The following SGCZ variants were observed in gnomAD, a reference collection of about 807,000 sequenced individuals.
The protein encoded by SGCZ is sarcoglycan zeta.
SGCZ carries 40 observed loss-of-function variants against 41.3 expected under a neutral mutation model. The observed-to-expected ratio is 0.97, with a 90% CI of 0.75 to 1.26. The LOEUF (loss-of-function observed/expected upper bound fraction) is 1.26. Ranked by LOEUF, SGCZ falls within the 50% of genes most tolerant of loss-of-function variation. The probability of loss-of-function intolerance (pLI) is 0.00; values close to 1 mark genes in which losing one functional copy is unlikely to be tolerated. For missense variants in SGCZ, 552 were observed against 369.8 expected, an observed-to-expected ratio of 1.49 and a Z score of -4.04; for synonymous variants, 206 against 137.5, an observed-to-expected ratio of 1.50 and a Z score of -3.49.
chr8:14,750,983 T>C (rs1337275084), intron 1 of SGCZ, among the ~76,000 whole-genome samples: 2 of 152,170 alleles, frequency 1.3e-5, no homozygotes, highest in African/African-American at 4.8e-5. Context: ...TGAAGCATTG[T>C]TATGAACCAA....
At chr8:15,043,938 T>A (rs1015930608) in intron 1 of SGCZ, among the ~76,000 whole-genome samples, 1 of 152,060 alleles carries the variant, frequency 6.6e-6, no homozygotes, top group Non-Finnish European at 1.5e-5. Flanking sequence ...GCTAACCTAC[T>A]CCCACAAGGT....
At chr8:14,419,358 T>C (rs1799578949) in intron 2 of SGCZ, among the ~76,000 whole-genome samples, 1 of 151,948 alleles carries the variant, frequency 6.6e-6, no homozygotes, top group Non-Finnish European at 1.5e-5. Flanking sequence ...AATTTACGTC[T>C]TTCCTCACTT....
intron 2 of SGCZ, among the ~76,000 whole-genome samples, chr8:14,463,687 T>G (rs770768713): frequency 1.3e-5 from 2 of 151,774 alleles, no homozygotes; most frequent in Non-Finnish European, 3.0e-5. Flanking sequence ...AAAGGCACTA[T>G]CAGGTCTTGT....
At chr8:14,474,392 C>A (rs572371731) in intron 2 of SGCZ, among the ~76,000 whole-genome samples, 3 of 152,306 alleles carry the variant, frequency 2.0e-5, no homozygotes, top group South Asian at 2.1e-4. Context: ...AACACACACA[C>A]ATATATGTGA....
intron 1 of SGCZ, among the ~76,000 whole-genome samples, chr8:15,050,636 G>A (rs79148630): frequency 0.039 from 5,911 of 152,210 alleles, 146 homozygotes; most frequent in Non-Finnish European, 0.056. Flanking sequence ...TTTTCAACAT[G>A]GAGGTCAACC....
chr8:14,892,534 C>CTT lies in SGCZ; in HGVS notation c.40-337610_40-337609dup, dbSNP rs974219465. On this transcript the variant is annotated intron_variant, in intron 1 of 7. Transcript: ENST00000382080. ...TGGATAAAGCCAACATTAACTGTTC[C>CTT]TTTTTTTGGGTAAAACCAAAGTTAA... Among the ~76,000 whole-genome samples, 8 of 152,108 alleles carry CTT rather than the reference C, an allele frequency of 5.3e-5. 1 individual carries two copies. Among genetic ancestry groups the CTT allele is most frequent in the African/African-American group, 1.9e-4 (8 of 41,506 alleles).
intron 2 of SGCZ, among the ~76,000 whole-genome samples, chr8:14,424,334 T>C (rs1485960501): frequency 6.6e-6 from 1 of 152,130 alleles, no homozygotes; most frequent in Non-Finnish European, 1.5e-5. Flanking sequence ...GTATTATGGA[T>C]TAAAAAACAC....
At chr8:14,374,383 A>G (rs1804030153) in intron 2 of SGCZ, among the ~76,000 whole-genome samples, 1 of 152,206 alleles carries the variant, frequency 6.6e-6, no homozygotes, top group Non-Finnish European at 1.5e-5. Context: ...ATAGGTAGAT[A>G]GTTTTTTAGG....
At chr8:14,474,122 G>A (rs1183734055) in intron 2 of SGCZ, among the ~76,000 whole-genome samples, 1 of 152,102 alleles carries the variant, frequency 6.6e-6, no homozygotes, top group African/African-American at 2.4e-5. Flanking sequence ...ATGGCTGCCT[G>A]CAACTGGGAA....
intron 1 of SGCZ, among the ~76,000 whole-genome samples, chr8:14,656,268 T>C (rs954134923): frequency 1.2e-4 from 18 of 152,186 alleles, no homozygotes; most frequent in African/African-American, 4.3e-4. Flanking sequence ...ATGTTGATTG[T>C]TTTAGCCATT....
intron 1 of SGCZ, among the ~76,000 whole-genome samples, chr8:15,061,496 C>T (rs1428282136): frequency 1.3e-5 from 2 of 149,252 alleles, no homozygotes; most frequent in Non-Finnish European, 1.5e-5. Flanking sequence ...CAAACCTGCA[C>T]GTTCTGCACA....
intron 2 of SGCZ, among the ~76,000 whole-genome samples, chr8:14,327,875 G>C (rs765311957): frequency 5.3e-5 from 8 of 152,110 alleles, no homozygotes; most frequent in East Asian, 1.9e-4. Context: ...CCACCTCCCA[G>C]GTTCAAGTGA....
intron 1 of SGCZ, among the ~76,000 whole-genome samples, chr8:15,094,725 T>G (rs1193223663): frequency 6.6e-6 from 1 of 152,118 alleles, no homozygotes; most frequent in Admixed American, 6.5e-5. Flanking sequence ...TGAAGATAAT[T>G]GAATCATGGG....
At chr8:14,387,561 T>C (rs2117208128) in intron 2 of SGCZ, among the ~76,000 whole-genome samples, 1 of 152,278 alleles carries the variant, frequency 6.6e-6, no homozygotes, top group Non-Finnish European at 1.5e-5. Flanking sequence ...ATTATTCTGC[T>C]TTTAAGGTTT....
chr8:14,594,156 C>G (rs1384830700), intron 1 of SGCZ, among the ~76,000 whole-genome samples: 4 of 150,548 alleles, frequency 2.7e-5, no homozygotes, highest in Non-Finnish European at 4.4e-5. Flanking sequence ...GCCTGGGCAA[C>G]AGAGCAAGAC....
chr8:14,258,567 T>A (rs543098722), intron 3 of SGCZ, among the ~76,000 whole-genome samples: 125 of 152,280 alleles, frequency 8.2e-4, no homozygotes, highest in African/African-American at 2.9e-3. Flanking sequence ...TCCAAAAAAA[T>A]ACTGATACTA....
At chr8:14,712,802 T>C (rs73664438) in intron 1 of SGCZ, among the ~76,000 whole-genome samples, 2 of 152,198 alleles carry the variant, frequency 1.3e-5, no homozygotes, top group East Asian at 1.9e-4. Context: ...TTTAAATATG[T>C]CCTTATTTTT....
At chr8:15,040,210 G>C (rs935797435) in intron 1 of SGCZ, among the ~76,000 whole-genome samples, 7 of 152,156 alleles carry the variant, frequency 4.6e-5, no homozygotes, top group African/African-American at 2.4e-5. Context: ...CAAAAGTTTA[G>C]CTTTTTATTA....
At chr8:14,720,582 G>A (rs933890113) in intron 1 of SGCZ, among the ~76,000 whole-genome samples, 23 of 151,748 alleles carry the variant, frequency 1.5e-4, no homozygotes, top group Non-Finnish European at 4.4e-5. Context: ...TCCTTATGCA[G>A]TGAAGGCAAA....
Sources: allele counts gnomAD v4.1 joint callset (sites outside exome capture counted in the v4.1 genomes callset), GRCh38; gene constraint gnomAD v4.1.1; transcripts MANE v1.5; gene names NCBI Gene and HGNC (gene_info 2026-07-23, HGNC 2026-07-21).